FHIT: variants seen among roughly 807,000 people sequenced by gnomAD.
FHIT encodes bis(5'-adenosyl)-triphosphatase.
In FHIT, 19 loss-of-function variants were observed where a neutral mutation model predicts 17.9. That is an observed-to-expected ratio of 1.06 (90% CI 0.74 to 1.56). FHIT has a LOEUF of 1.56. Ranked by LOEUF, FHIT falls within the 40% of genes most tolerant of loss-of-function variation. The pLI, the probability that FHIT is intolerant of heterozygous loss-of-function variation, is 0.00. For synonymous variants in FHIT, 81 were observed against 69.7 expected (o/e 1.16, Z -0.81); for missense variants, 248 against 189.2 (o/e 1.31, Z -1.82).
chr3:60,652,727 C>CAAAAAAAAAA (rs782637479), intron 4 of FHIT, among the ~76,000 whole-genome samples: 1 of 59,018 alleles, frequency 1.7e-5, no homozygotes, highest in Non-Finnish European at 3.3e-5. Flanking sequence ...GACTCCATCT[C>CAAAAAAAAAA]AAAAAAAAAA....
chr3:60,452,019 T>G (rs960503630), intron 5 of FHIT, among the ~76,000 whole-genome samples: 6 of 152,178 alleles, frequency 3.9e-5, no homozygotes, highest in African/African-American at 1.4e-4. Flanking sequence ...CTTGTAATTT[T>G]CTACAAGTTT....
At chr3:60,501,842 T>C (rs1429162140) in intron 5 of FHIT, among the ~76,000 whole-genome samples, 1 of 152,270 alleles carries the variant, frequency 6.6e-6, no homozygotes, top group Admixed American at 6.5e-5. Flanking sequence ...TACTGTATAT[T>C]ACGTGCATAC....
chr3:60,304,640 A>G (rs1020736648), intron 5 of FHIT, among the ~76,000 whole-genome samples: 3 of 152,102 alleles, frequency 2.0e-5, no homozygotes, highest in African/African-American at 7.2e-5. Flanking sequence ...TAAATAATAA[A>G]ACAGTTTTAG....
intron 5 of FHIT, among the ~76,000 whole-genome samples, chr3:60,318,117 CA>C (rs1029732763): frequency 6.6e-6 from 1 of 151,694 alleles, no homozygotes; most frequent in African/African-American, 2.4e-5. Flanking sequence ...TAAACAAAAG[CA>C]AAAACAAAAA....
At position 61,036,901 on chromosome 3, in the gene FHIT, G is replaced by GTTTTTTTTTTT. The variant is rs746649804; in HGVS notation, c.-111+5135_-111+5145dup. ...TTCACCTCAAAGATCAGTCTGCTTT[G>GTTTTTTTTTTT]TTTTTTTTTTTTGTTTGTTTGTTTT... is the stretch of plus-strand genomic sequence containing the variant. On this transcript the variant is annotated intron_variant, in intron 3 of 9. Transcript: ENST00000492590. 2.1e-3 allele frequency among the ~76,000 whole-genome samples: 148 copies of GTTTTTTTTTTT among 70,300 alleles called. 7 individuals carry two copies. Among genetic ancestry groups the GTTTTTTTTTTT allele is most frequent in the African/African-American group, 4.4e-3 (138 of 31,316 alleles). 46.1% of individuals were successfully genotyped at this position (70,300 alleles called of 152,430 possible). A position where few individuals can be genotyped will look rare whatever the true frequency, so the allele number is the denominator to read the frequency against.
rs376940917 is a variant in FHIT, at chr3:60,385,282, G to A, written c.103+151578C>T. On this transcript the variant is annotated intron_variant, in intron 5 of 9. Coordinates refer to ENST00000492590, the MANE Select transcript of FHIT (RefSeq NM_002012.4). ...TGGAGAAGCATCCACTGTGGATTAA[G>A]CTCTCAAGTACTCAATAACTTTTAA... 1.2e-3 allele frequency among the ~76,000 whole-genome samples: 180 copies of A among 152,298 alleles called. 1 individual carries two copies. The highest frequency in any genetic ancestry group is 4.0e-3 in the African/African-American group (165 of 41,568).
At chr3:59,796,456 T>C (rs1430487822) in intron 8 of FHIT, among the ~76,000 whole-genome samples, 1 of 152,194 alleles carries the variant, frequency 6.6e-6, no homozygotes, top group South Asian at 2.1e-4. Flanking sequence ...TCTCCTCGAA[T>C]GTCAGTCTTC....
chr3:60,451,390 C>A (rs544294294), intron 5 of FHIT, among the ~76,000 whole-genome samples: 1 of 152,054 alleles, frequency 6.6e-6, no homozygotes, highest in Non-Finnish European at 1.5e-5. Flanking sequence ...TTCTGAACAT[C>A]CCCCCACTTC....
intron 5 of FHIT, among the ~76,000 whole-genome samples, chr3:60,210,512 G>A (rs944030481): frequency 9.5e-6 from 1 of 105,586 alleles, no homozygotes; most frequent in African/African-American, 3.9e-5. Context: ...CTTCACTAGA[G>A]ATAAAAATCC....
intron 5 of FHIT, among the ~76,000 whole-genome samples, chr3:60,460,196 C>T (rs2032371496): frequency 6.6e-6 from 1 of 152,032 alleles, no homozygotes; most frequent in Non-Finnish European, 1.5e-5. Flanking sequence ...TTTCGGGGGG[C>T]AAATCTGATG....
rs190693198 is a variant in FHIT, at chr3:60,722,251, C to T, written c.-18+99668G>A. 5.1e-4 allele frequency among the ~76,000 whole-genome samples: 77 copies of T among 152,284 alleles called. No individual in the cohort carries two copies. In the East Asian group the frequency reaches 8.1e-3, roughly 16 times the overall value. ...GCAATTATATTCAAAGAAGAGGGGG[C>T]CTTCTTCATTCTGCTTACAGCATCC... is the stretch of plus-strand genomic sequence containing the variant. On this transcript the variant is annotated intron_variant, in intron 4 of 9. Transcript: ENST00000492590.
At chr3:60,567,900 G>T (rs562713474) in intron 4 of FHIT, among the ~76,000 whole-genome samples, 24 of 152,096 alleles carry the variant, frequency 1.6e-4, no homozygotes, top group South Asian at 4.2e-4. Flanking sequence ...AAACAAATCC[G>T]CAATGAGATA....
chr3:60,619,600 C>CAAAAAAAAAA (rs57198487), intron 4 of FHIT, among the ~76,000 whole-genome samples: 5 of 88,690 alleles, frequency 5.6e-5, no homozygotes, highest in African/African-American at 9.1e-5. Context: ...TACCCACATG[C>CAAAAAAAAAA]AAAAAAAAAA....
At chr3:60,493,689 A>G (rs1347376032) in intron 5 of FHIT, among the ~76,000 whole-genome samples, 1 of 152,190 alleles carries the variant, frequency 6.6e-6, no homozygotes, top group East Asian at 1.9e-4. Flanking sequence ...TTGACAACCC[A>G]TAAATATTGC....
intron 4 of FHIT, among the ~76,000 whole-genome samples, chr3:60,585,905 C>T (rs1232904218): frequency 7.2e-5 from 11 of 151,784 alleles, no homozygotes; most frequent in African/African-American, 1.9e-4. Context: ...TCCTTGGGGA[C>T]TTCTCAGAGC....
intron 4 of FHIT, among the ~76,000 whole-genome samples, chr3:60,543,907 C>CTTTTTTTTTTT (rs71092612): frequency 0.016 from 839 of 52,034 alleles, 174 homozygotes; most frequent in South Asian, 0.022. Context: ...CCACGCCCGG[C>CTTTTTTTTTTT]TTTTTTTTTT....
rs907714606 is a variant in FHIT at position 60,043,144 on chromosome 3, G to C, written c.104-28992C>G. ...TCATTCTCCCTTGCATTGACAGCTG[G>C]ACAGTTAAAAGCAGCAACACCAACA... is the stretch of plus-strand genomic sequence containing the variant. On this transcript the variant is annotated intron_variant, in intron 5 of 9. Transcript: ENST00000492590. Among the ~76,000 whole-genome samples the C allele has an allele frequency of 2.2e-4, 33 of 152,152 alleles. 1 individual carries two copies. Among genetic ancestry groups the C allele is most frequent in the Non-Finnish European group, 4.0e-4 (27 of 68,046 alleles).
intron 8 of FHIT, among the ~76,000 whole-genome samples, chr3:59,806,628 C>A (rs12494457): frequency 1.3e-5 from 2 of 149,642 alleles, no homozygotes; most frequent in African/African-American, 4.9e-5. Flanking sequence ...TATATGGGTA[C>A]AGGGTTTATA....
intron 5 of FHIT, among the ~76,000 whole-genome samples, chr3:60,164,378 C>T (rs1701065831): frequency 6.6e-6 from 1 of 152,186 alleles, no homozygotes; most frequent in South Asian, 2.1e-4. Flanking sequence ...GCAGCCATGG[C>T]ACTGCTGGGA....
Sources: allele counts gnomAD v4.1 joint callset (sites outside exome capture counted in the v4.1 genomes callset), GRCh38; gene constraint gnomAD v4.1.1; transcripts MANE v1.5; gene names NCBI Gene and HGNC (gene_info 2026-07-23, HGNC 2026-07-21).